Variants in DOCK5 observed in about 807,000 individuals in gnomAD.
DOCK5 encodes dedicator of cytokinesis protein 5.
Under a neutral mutation model 251.8 loss-of-function variants are expected in DOCK5, and 142 were observed. That is an observed-to-expected ratio of 0.56 (90% CI 0.49 to 0.65). DOCK5 has a LOEUF of 0.65. DOCK5 is among the 30% of genes least tolerant of loss of function. The pLI is 0.00. For missense variants in DOCK5, 2,111 were observed against 2,312.3 expected (o/e 0.91, Z 1.79); for synonymous variants, 842 against 835.5 (o/e 1.01, Z -0.13).
In DOCK5 at chr8:25,320,971, A is replaced by G; in HGVS notation, c.1543-9A>G. The G allele has an allele frequency of 6.2e-7, 1 of 1,611,128 alleles. No individual in the cohort carries two copies. The highest frequency in any genetic ancestry group is 1.1e-5 in the South Asian group (1 of 90,768). ...GTCTGTAAACTATTAATTTCTTACTATGACACAGGTATCCATTGCTATAGA... is the reference window on the plus strand; with the variant it reads ...GTCTGTAAACTATTAATTTCTTACTGTGACACAGGTATCCATTGCTATAGA... On this transcript the variant is annotated splice_polypyrimidine_tract_variant and intron_variant, in intron 15 of 51. Transcript: ENST00000276440.
intron 4 of DOCK5, among the ~76,000 whole-genome samples, 153 bp from the exon 5 acceptor site, chr8:25,278,416 A>T (rs1804103942): frequency 6.6e-6 from 1 of 152,132 alleles, no homozygotes; most frequent in African/African-American, 2.4e-5. Context: ...CTTCTCCCAG[A>T]TGCTTGGATG....
intron 33 of DOCK5, 139 bp from the exon 34 acceptor site, chr8:25,369,417 A>C (rs568373132): frequency 1.5e-6 from 1 of 646,614 alleles, no homozygotes; most frequent in Non-Finnish European, 2.7e-6. Flanking sequence ...ACAGTTTATG[A>C]GTGACCCTCT....
intron 1 of DOCK5, among the ~76,000 whole-genome samples, chr8:25,188,711 C>A (rs1302550854): frequency 6.6e-6 from 1 of 152,144 alleles, no homozygotes; most frequent in Non-Finnish European, 1.5e-5. Context: ...AGTGACTGAT[C>A]TATTTGATTC....
chr8:25,215,948 C>T lies in DOCK5; in HGVS notation c.44-27726C>T, dbSNP rs949533210. On this transcript the variant is annotated intron_variant, in intron 1 of 51. Coordinates refer to ENST00000276440, the MANE Select transcript of DOCK5 (RefSeq NM_024940.8). ...GGAAATAAATACACACACACACACA[C>T]ACACACACACACACACACACACACG... is the stretch of plus-strand genomic sequence containing the variant. 1.4e-3 allele frequency among the ~76,000 whole-genome samples: 215 copies of T among 151,082 alleles called. 1 individual carries two copies. The highest frequency in any genetic ancestry group is 5.1e-3 in the African/African-American group (208 of 41,134).
rs1290204322 is a variant in DOCK5, at chr8:25,319,684, T to A, written c.1542+8T>A. ...TGGTATGAGACTGTCAAGGTGAGAA[T>A]GAGTCATTTGTAACCCCTGTTATCT... On this transcript the variant is annotated splice_region_variant and intron_variant, in intron 15 of 51. Transcript: ENST00000276440. 2 of 1,557,754 alleles carry A rather than the reference T, an allele frequency of 1.3e-6. No homozygotes were observed. The highest frequency in any genetic ancestry group is 2.3e-5 in the East Asian group (1 of 43,086).
At chr8:25,288,190 C>T (rs1160023052) in intron 5 of DOCK5, among the ~76,000 whole-genome samples, 2 of 152,022 alleles carry the variant, frequency 1.3e-5, no homozygotes, top group Non-Finnish European at 2.9e-5. Flanking sequence ...CCGGCCAGCC[C>T]GTGCTCTTTT....
chr8:25,411,325 G>A lies in DOCK5; in HGVS notation c.*27G>A, dbSNP rs1409709571. The A allele has an allele frequency of 2.6e-5, 38 of 1,443,296 alleles. No homozygotes were observed. Among genetic ancestry groups the A allele is most frequent in the Non-Finnish European group, 3.4e-5 (37 of 1,098,788 alleles). 89.4% of individuals were successfully genotyped at this position (1,443,296 alleles called of 1,614,324 possible). A position where few individuals can be genotyped will look rare whatever the true frequency, so the allele number is the denominator to read the frequency against. On this transcript the variant is annotated 3_prime_UTR_variant, in exon 52 of 52. Coordinates refer to ENST00000276440, the MANE Select transcript of DOCK5 (RefSeq NM_024940.8). ...GATCTTGCCCTCCCTGCAACACCGA[G>A]TGCCTTAGACAGCTGCTGCCTGAGA...
intron 31 of DOCK5, 117 bp from the exon 32 acceptor site, chr8:25,368,075 G>T: frequency 1.3e-6 from 1 of 765,700 alleles, no homozygotes; most frequent in Non-Finnish European, 2.2e-6. Context: ...ATCTCTTAAG[G>T]TTGGGCCTTA....
At chr8:25,261,193 G>A (rs556313260) in intron 2 of DOCK5, among the ~76,000 whole-genome samples, 33 of 152,076 alleles carry the variant, frequency 2.2e-4, no homozygotes, top group African/African-American at 8.0e-4. Context: ...TACTTTTCTT[G>A]TTTATATGCT....
intron 48 of DOCK5, 141 bp from the exon 49 acceptor site, chr8:25,407,842 T>G: frequency 2.1e-6 from 2 of 969,878 alleles, no homozygotes; most frequent in South Asian, 1.9e-5. Flanking sequence ...CCAGCCTGAA[T>G]GATGGGAGAA....
intron 41 of DOCK5, 120 bp from the exon 42 acceptor site, chr8:25,390,086 G>T: frequency 2.8e-6 from 2 of 701,940 alleles, no homozygotes; most frequent in Non-Finnish European, 4.5e-6. Context: ...TGGCATTGGG[G>T]TCAAAGGGAG....
intron 21 of DOCK5, among the ~76,000 whole-genome samples, chr8:25,334,581 C>T (rs1805757249): frequency 2.6e-5 from 4 of 152,018 alleles, no homozygotes; most frequent in Admixed American, 1.3e-4. Context: ...TGTGGTGACA[C>T]ACACCTGTAG....
rs530999121 is a variant in DOCK5 at position 25,339,322 on chromosome 8, C to G, written c.2328-1555C>G. On this transcript the variant is annotated intron_variant, in intron 22 of 51. Transcript: ENST00000276440. ...GAAGCTTGATCTTAATCCCTTAGCC[C>G]CCTATCATTAGTACTTAAAAAAAAA... is the stretch of plus-strand genomic sequence containing the variant. Among the ~76,000 whole-genome samples, 5 of 152,122 alleles carry G rather than the reference C, an allele frequency of 3.3e-5. No individual in the cohort carries two copies. In the South Asian group the frequency reaches 1.0e-3, roughly 32 times the overall value.
Position 25,191,247 on chromosome 8 carries a change from T to C in DOCK5, c.43+6296T>C, listed in dbSNP as rs538038813. On this transcript the variant is annotated intron_variant, in intron 1 of 51. Coordinates refer to ENST00000276440, the MANE Select transcript of DOCK5 (RefSeq NM_024940.8). ...GCCTGTTTACATTCTCATTCTCTCG[T>C]TAGTGGAGTTTTCCAGAGGCTTTGC... Among the ~76,000 whole-genome samples the C allele has an allele frequency of 3.9e-5, 6 of 152,184 alleles. No individual in the cohort carries two copies. In the South Asian group the frequency reaches 1.2e-3, roughly 32 times the overall value.
chr8:25,310,680 A>T, intron 13 of DOCK5, 148 bp downstream of exon 13: 1 of 885,550 alleles, frequency 1.1e-6, no homozygotes, highest in Non-Finnish European at 1.6e-6. Context: ...AGACACCTGC[A>T]ATACTTAAAC....
chr8:25,369,444 G>C, intron 33 of DOCK5, 112 bp from the exon 34 acceptor site: 2 of 815,864 alleles, frequency 2.5e-6, no homozygotes, highest in Admixed American at 2.4e-5. Context: ...CTCCCTGTCT[G>C]TGCTGGAAAC....
rs1800714452 is a variant in DOCK5, at chr8:25,363,033, T to C, written c.2950-14T>C. ...AACCCAGTTTTCCCCCAACCACTCC[T>C]CTGTTCTCCGCAGGACTTCCTCATG... On this transcript the variant is annotated splice_polypyrimidine_tract_variant and intron_variant, in intron 28 of 51. Transcript: ENST00000276440. The C allele has an allele frequency of 1.9e-6, 3 of 1,610,670 alleles. No individual in the cohort carries two copies. Among genetic ancestry groups the C allele is most frequent in the Non-Finnish European group, 2.5e-6 (3 of 1,176,966 alleles).
intron 27 of DOCK5, among the ~76,000 whole-genome samples, chr8:25,353,026 C>T (rs189575548): frequency 6.6e-6 from 1 of 152,198 alleles, no homozygotes; most frequent in East Asian, 1.9e-4. Flanking sequence ...CATGCCTGGT[C>T]AGAACCTGTA....
In DOCK5 at chr8:25,403,706, C is replaced by T; in HGVS notation, c.5075C>T (p.Ser1692Phe). Reference sequence around the variant, plus strand: ...TCAAACTCGTCTGACAATGCTCCTTCCAGACCGGGATCTGATGGGTAAGGG... The same window carrying T: ...TCAAACTCGTCTGACAATGCTCCTTTCAGACCGGGATCTGATGGGTAAGGG... Reference protein sequence around the residue: ...TSSNSSDNAPSRPGSDGSILE... With the variant: ...TSSNSSDNAPFRPGSDGSILE... The change falls in exon 48 of 52, where the codon TCC becomes TTC. Residue 1692 changes from serine (S) to phenylalanine (F), a missense_variant. Ser to Phe is a radical substitution (Grantham distance 155, BLOSUM62 -2). Coordinates refer to ENST00000276440, the MANE Select transcript of DOCK5 (RefSeq NM_024940.8). 1 of 1,613,962 alleles carries T rather than the reference C, an allele frequency of 6.2e-7. No individual in the cohort carries two copies. The highest frequency in any genetic ancestry group is 8.5e-7 in the Non-Finnish European group (1 of 1,179,860).
Sources: gnomAD v4.1 joint callset for allele counts (sites outside exome capture counted in the v4.1 genomes callset) on GRCh38, gnomAD v4.1.1 for gene constraint, MANE v1.5 for transcripts, NCBI Gene and HGNC (gene_info 2026-07-23, HGNC 2026-07-21) for gene names.